The following RB1 variants were observed in gnomAD, a reference collection of about 807,000 sequenced individuals.
RB1 encodes RB transcriptional corepressor 1, also known as retinoblastoma-associated protein.
A neutral mutation model predicts 135.4 loss-of-function variants in RB1; 18 were observed. That is an observed-to-expected ratio of 0.13 (90% CI 0.09 to 0.20). The LOEUF is 0.20. Among genes scored for constraint, RB1 ranks in the 10% least tolerant of loss-of-function variants. The pLI, the probability that RB1 is intolerant of heterozygous loss-of-function variation, is 1.00. For missense variants in RB1, 868 were observed against 1,110.0 expected, an observed-to-expected ratio of 0.78 and a Z score of 3.10; for synonymous variants, 365 against 373.2, an observed-to-expected ratio of 0.98 and a Z score of 0.25.
chr13:48,310,447 T>C (rs1269394094), intron 2 of RB1, among the ~76,000 whole-genome samples: 1 of 152,170 alleles, frequency 6.6e-6, no homozygotes, highest in Non-Finnish European at 1.5e-5. Context: ...CTTGAACATG[T>C]TATCTACAAT....
chr13:48,378,487 A>G (rs1451233658), intron 13 of RB1, among the ~76,000 whole-genome samples: 1 of 152,150 alleles, frequency 6.6e-6, no homozygotes, highest in Non-Finnish European at 1.5e-5. Context: ...CTTCAGGGAC[A>G]ATAAAATGCA....
chr13:48,331,963 GA>G (rs1952341118), intron 2 of RB1, among the ~76,000 whole-genome samples: 1 of 152,142 alleles, frequency 6.6e-6, no homozygotes, highest in Admixed American at 6.6e-5. Context: ...ATTGCATTAA[GA>G]TCATGACAAA....
Position 48,480,134 on chromosome 13 carries a change from A to C in RB1, c.*63A>C. 1 of 1,377,228 alleles carries C rather than the reference A, an allele frequency of 7.3e-7. No individual in the cohort carries two copies. Among genetic ancestry groups the C allele is most frequent in the Non-Finnish European group, 1.0e-6 (1 of 970,512 alleles). The allele number at this position is 1,377,228 out of a possible 1,614,324, so 85.3% of individuals were successfully genotyped here. A position where few individuals can be genotyped will look rare whatever the true frequency, so the allele number is the denominator to read the frequency against. ...GGATTCATTGTCTCTCACAGATGTG[A>C]CTGTATAACTTTCCCAGGTTCTGTT... On this transcript the variant is annotated 3_prime_UTR_variant, in exon 27 of 27. Transcript: ENST00000267163.
At chr13:48,473,801 G>A (rs1593545052) in intron 24 of RB1, among the ~76,000 whole-genome samples, 1 of 151,998 alleles carries the variant, frequency 6.6e-6, no homozygotes, top group Non-Finnish European at 1.5e-5. Flanking sequence ...GTCAGCATCA[G>A]ACTCCACAGG....
At chr13:48,387,566 G>C (rs899081374) in intron 17 of RB1, among the ~76,000 whole-genome samples, 74 of 152,114 alleles carry the variant, frequency 4.9e-4, no homozygotes, top group African/African-American at 1.7e-3. Flanking sequence ...TGAGGATGAT[G>C]GCTAGAGAGT....
intron 17 of RB1, among the ~76,000 whole-genome samples, chr13:48,444,003 C>G (rs1949263646): frequency 6.6e-6 from 1 of 151,986 alleles, no homozygotes; most frequent in Non-Finnish European, 1.5e-5. Flanking sequence ...GTTTTTTTCC[C>G]CACACACTAA....
At chr13:48,408,096 T>C (rs1948755709) in intron 17 of RB1, among the ~76,000 whole-genome samples, 1 of 152,100 alleles carries the variant, frequency 6.6e-6, no homozygotes. Context: ...GTTTGCTCCA[T>C]TTTCTATTTT....
intron 2 of RB1, chr13:48,328,622 T>C: frequency 1.7e-6 from 1 of 595,548 alleles, no homozygotes; most frequent in South Asian, 2.0e-5. Context: ...AGTTGGGATA[T>C]AAATAATTAG....
intron 24 of RB1, among the ~76,000 whole-genome samples, chr13:48,473,924 C>T (rs761887689): frequency 3.4e-4 from 52 of 151,974 alleles, no homozygotes; most frequent in Non-Finnish European, 4.9e-4. Flanking sequence ...TGGGGGGTTC[C>T]GATAGTGCCT....
intron 9 of RB1, among the ~76,000 whole-genome samples, chr13:48,367,015 A>G (rs1438602326): frequency 6.9e-6 from 1 of 145,436 alleles, no homozygotes; most frequent in African/African-American, 2.5e-5. Context: ...GCTACTCGGG[A>G]GGCTGAGGCA....
chr13:48,411,496 T>G, intron 17 of RB1: 1 of 1,612,850 alleles, frequency 6.2e-7, no homozygotes, highest in Non-Finnish European at 8.5e-7. Context: ...TCACTTCTCC[T>G]GACAGACCAG....
intron 21 of RB1, among the ~76,000 whole-genome samples, chr13:48,464,418 C>A (rs769109142): frequency 1.3e-5 from 2 of 152,152 alleles, no homozygotes; most frequent in Non-Finnish European, 2.9e-5. Flanking sequence ...TAAATTCAAT[C>A]ATTTTAATTG....
intron 17 of RB1, among the ~76,000 whole-genome samples, chr13:48,437,621 G>T (rs1226050575): frequency 6.6e-6 from 1 of 152,160 alleles, no homozygotes; most frequent in Non-Finnish European, 1.5e-5. Flanking sequence ...TTCTTTGCTG[G>T]CTGATGGCCA....
At chr13:48,318,122 C>T in intron 2 of RB1, 2 of 517,044 alleles carry the variant, frequency 3.9e-6, no homozygotes, top group South Asian at 2.1e-5. Flanking sequence ...AGGCCGGGGC[C>T]GTGTCCTGGC....
intron 17 of RB1, chr13:48,427,053 G>A (rs1949089643): frequency 6.5e-6 from 1 of 153,506 alleles, no homozygotes; most frequent in African/African-American, 2.4e-5. Context: ...CTGAGCGAGA[G>A]CTCGGTTATC....
At chr13:48,307,200 C>A in intron 1 of RB1, 80 bp from the exon 2 acceptor site, 1 of 1,207,522 alleles carries the variant, frequency 8.3e-7, no homozygotes, top group Non-Finnish European at 1.2e-6. Context: ...GTGTTATGTG[C>A]AAACTATTGA....
At chr13:48,401,911 C>G (rs1163329564) in intron 17 of RB1, among the ~76,000 whole-genome samples, 2 of 152,130 alleles carry the variant, frequency 1.3e-5, no homozygotes, top group Non-Finnish European at 2.9e-5. Context: ...TAACATAAAT[C>G]TGTCTTGCTA....
intron 23 of RB1, among the ~76,000 whole-genome samples, chr13:48,472,605 C>T (rs1042507776): frequency 6.6e-6 from 1 of 152,044 alleles, no homozygotes; most frequent in African/African-American, 2.4e-5. Context: ...TGTTGGTATT[C>T]TTCAGCAAAA....
chr13:48,456,471 G>A (rs962371224), intron 19 of RB1, 122 bp downstream of exon 19: 1 of 1,359,812 alleles, frequency 7.4e-7, no homozygotes, highest in African/African-American at 1.5e-5. Flanking sequence ...CTGTGTCTCA[G>A]TTTCCTCATC....
Sources: gnomAD v4.1 joint callset for allele counts (sites outside exome capture counted in the v4.1 genomes callset) on GRCh38, gnomAD v4.1.1 for gene constraint, MANE v1.5 for transcripts, NCBI Gene and HGNC (gene_info 2026-07-23, HGNC 2026-07-21) for gene names.